The following PDE8A variants were observed in gnomAD, a reference collection of about 807,000 sequenced individuals.
PDE8A encodes phosphodiesterase 8A.
In PDE8A, 59 loss-of-function variants were observed where a neutral mutation model predicts 105.0. The observed-to-expected ratio is 0.56, with a 90% CI of 0.46 to 0.70. The LOEUF is 0.70. PDE8A is among the 30% of genes least tolerant of loss of function. The pLI is 0.00. For synonymous variants in PDE8A, 355 were observed against 371.9 expected (o/e 0.95, Z 0.52); for missense variants, 1,014 against 1,045.9 (o/e 0.97, Z 0.42).
At chr15:85,091,317 T>C in intron 8 of PDE8A, 136 bp downstream of exon 8, 1 of 674,362 alleles carries the variant, frequency 1.5e-6, no homozygotes, top group Non-Finnish European at 2.3e-6. Context: ...ATGTTATCCC[T>C]GTTATATCCA....
intron 6 of PDE8A, among the ~76,000 whole-genome samples, chr15:85,087,230 T>A (rs2081569170): frequency 6.6e-6 from 1 of 152,090 alleles, no homozygotes; most frequent in Non-Finnish European, 1.5e-5. Flanking sequence ...AGAGACAGGG[T>A]CTCACTCTGT....
At chr15:85,119,475 A>AAAAAAAAAAAAAAAAAAAAAAAAAAAC (rs2082147269) in intron 17 of PDE8A, among the ~76,000 whole-genome samples, 1 of 150,378 alleles carries the variant, frequency 6.6e-6, no homozygotes, top group Non-Finnish European at 1.5e-5. Flanking sequence ...TCTCAAAAAA[A>AAAAAAAAAAAAAAAAAAAAAAAAAAAC]AAAAAACATT....
chr15:85,020,093 T>A (rs1235996205), intron 1 of PDE8A, among the ~76,000 whole-genome samples: 1 of 151,404 alleles, frequency 6.6e-6, no homozygotes, highest in Non-Finnish European at 1.5e-5. Context: ...AAGAAGGAGG[T>A]TTATGGTTGC....
chr15:85,118,356 ATCTGGT>A (rs1270301422), intron 17 of PDE8A, among the ~76,000 whole-genome samples: 3 of 151,976 alleles, frequency 2.0e-5, no homozygotes, highest in African/African-American at 4.8e-5. Context: ...AACCCCCCAC[ATCTGGT>A]TGATCATCTG....
chr15:85,107,023 C>G (rs1485620049), intron 11 of PDE8A, among the ~76,000 whole-genome samples: 1 of 152,176 alleles, frequency 6.6e-6, no homozygotes, highest in Non-Finnish European at 1.5e-5. Context: ...GCCCTCAAGT[C>G]ATTCATGTTA....
At chr15:85,027,337 C>T (rs1050450695) in intron 1 of PDE8A, among the ~76,000 whole-genome samples, 7 of 152,132 alleles carry the variant, frequency 4.6e-5, no homozygotes, top group Non-Finnish European at 1.0e-4. Flanking sequence ...AATATTTAGC[C>T]ATCTGGAAGC....
At chr15:85,137,673 C>T (rs76559313) in intron 21 of PDE8A, 124 bp from the exon 22 acceptor site, 23,264 of 631,902 alleles carry the variant, frequency 0.037, 682 homozygotes, top group South Asian at 0.1. Context: ...TGTGTTTGCC[C>T]GGGTCTGTTT....
At chr15:85,049,390 T>C (rs1447237329) in intron 1 of PDE8A, among the ~76,000 whole-genome samples, 1 of 152,194 alleles carries the variant, frequency 6.6e-6, no homozygotes, top group Non-Finnish European at 1.5e-5. Flanking sequence ...CATTCTGCTT[T>C]CTCTCTATAT....
intron 1 of PDE8A, among the ~76,000 whole-genome samples, chr15:85,025,084 C>G (rs2080492179): frequency 1.3e-5 from 2 of 152,158 alleles, no homozygotes; most frequent in Admixed American, 1.3e-4. Context: ...CTGTTTCAGA[C>G]TGAGAATTGT....
intron 20 of PDE8A, among the ~76,000 whole-genome samples, chr15:85,130,287 G>A (rs12324052): frequency 1.4e-4 from 21 of 152,216 alleles, no homozygotes; most frequent in African/African-American, 4.1e-4. Context: ...TCCAGCACTG[G>A]GGATTATTTT....
chr15:85,084,745 T>G (rs2081522863), intron 6 of PDE8A, among the ~76,000 whole-genome samples: 2 of 152,212 alleles, frequency 1.3e-5, no homozygotes, highest in Admixed American at 1.3e-4. Flanking sequence ...AAATCTGCAT[T>G]TTCGAAACTG....
At chr15:85,132,290 G>A (rs1179688024) in intron 20 of PDE8A, among the ~76,000 whole-genome samples, 1 of 152,028 alleles carries the variant, frequency 6.6e-6, no homozygotes, top group Admixed American at 6.6e-5. Flanking sequence ...AATAATCTCT[G>A]TCCTTCTCTT....
At chr15:85,082,176 A>G (rs964383449) in intron 5 of PDE8A, among the ~76,000 whole-genome samples, 1 of 152,098 alleles carries the variant, frequency 6.6e-6, no homozygotes, top group African/African-American at 2.4e-5. Flanking sequence ...CAGCAGGTCT[A>G]GCATACTCCT....
chr15:85,120,741 AG>A, intron 17 of PDE8A, 55 bp from the exon 18 acceptor site: 1 of 1,063,688 alleles, frequency 9.4e-7, no homozygotes, highest in Non-Finnish European at 1.4e-6. Flanking sequence ...ACTATACAGA[AG>A]GCTTCCTTGC....
intron 1 of PDE8A, among the ~76,000 whole-genome samples, chr15:84,994,780 T>C (rs928777058): frequency 6.6e-6 from 1 of 152,106 alleles, no homozygotes; most frequent in African/African-American, 2.4e-5. Context: ...CTGACCAACA[T>C]GGTGAAACCC....
chr15:85,099,868 G>T, intron 9 of PDE8A, 147 bp from the exon 10 acceptor site: 1 of 661,840 alleles, frequency 1.5e-6, no homozygotes. Flanking sequence ...TTATTTATTG[G>T]TGGCCTTGGT....
At position 85,075,842 on chromosome 15, in the gene PDE8A, A is replaced by G. The variant is rs1339016544; in HGVS notation, c.435-20A>G. 8.2e-6 allele frequency: 11 copies of G among 1,349,634 alleles called. No homozygotes were observed. The highest frequency in any genetic ancestry group is 8.3e-6 in the Non-Finnish European group (8 of 962,872). The allele number at this position is 1,349,634 out of a possible 1,614,324, so 83.6% of individuals were successfully genotyped here. ...AGGATTATTTTTATATTTATTTTAA[A>G]GTTTTGTGTTTTTTTTAAGGTCTAT... On this transcript the variant is annotated intron_variant, in intron 3 of 21. Coordinates refer to ENST00000394553, the MANE Select transcript of PDE8A (RefSeq NM_002605.3).
At chr15:85,006,264 T>A (rs190929200) in intron 1 of PDE8A, among the ~76,000 whole-genome samples, 52 of 151,860 alleles carry the variant, frequency 3.4e-4, no homozygotes, top group African/African-American at 8.9e-4. Flanking sequence ...AAAGTATTAT[T>A]ATTATAATAA....
At chr15:85,105,265 G>A (rs932192927) in intron 11 of PDE8A, among the ~76,000 whole-genome samples, 1 of 152,146 alleles carries the variant, frequency 6.6e-6, no homozygotes, top group Non-Finnish European at 1.5e-5. Context: ...GCTTTCTTGG[G>A]AGGAAGAGGT....
Sources: allele counts gnomAD v4.1 joint callset (sites outside exome capture counted in the v4.1 genomes callset), GRCh38; gene constraint gnomAD v4.1.1; transcripts MANE v1.5; gene names NCBI Gene and HGNC (gene_info 2026-07-23, HGNC 2026-07-21).